Variants in PRDM5 observed in about 807,000 individuals in gnomAD.
The protein encoded by PRDM5 is PR/SET domain 5.
PRDM5 carries 56 observed loss-of-function variants against 81.2 expected under a neutral mutation model. The ratio of observed to expected loss-of-function variants is 0.69; its 90% CI spans 0.56 to 0.86. The LOEUF (loss-of-function observed/expected upper bound fraction) is 0.86. Ranked by LOEUF, PRDM5 falls within the 40% of genes least tolerant of loss-of-function variation. PRDM5 has a pLI of 0.00. For missense variants in PRDM5, 697 were observed against 770.1 expected, an observed-to-expected ratio of 0.91 and a Z score of 1.12; for synonymous variants, 267 against 256.4, an observed-to-expected ratio of 1.04 and a Z score of -0.39.
At chr4:120,685,943 T>G (rs1040751342) in intron 1 of PRDM5, among the ~76,000 whole-genome samples, 1 of 151,972 alleles carries the variant, frequency 6.6e-6, no homozygotes, top group African/African-American at 2.4e-5. Flanking sequence ...CATCATGGGG[T>G]GGATTTCTCA....
At chr4:120,711,412 C>T (rs763489732) in intron 14 of PRDM5, among the ~76,000 whole-genome samples, 29 of 152,072 alleles carry the variant, frequency 1.9e-4, no homozygotes, top group Non-Finnish European at 3.7e-4. Flanking sequence ...AATTCTCCTG[C>T]CTCAGCCTCC....
intron 3 of PRDM5, among the ~76,000 whole-genome samples, chr4:120,843,864 G>A (rs1023254742): frequency 1.3e-5 from 2 of 152,132 alleles, no homozygotes; most frequent in African/African-American, 2.4e-5. Context: ...ACACAGTACA[G>A]TAAGACTTCT....
At chr4:120,689,188 A>G (rs988861874), downstream of PRDM5, among the ~76,000 whole-genome samples, 2 of 152,256 alleles carry the variant, frequency 1.3e-5, no homozygotes, top group Middle Eastern at 3.4e-3. Context: ...AAATTTGTAG[A>G]CCCCAATTTC....
chr4:120,792,681 A>T (rs751291968), intron 10 of PRDM5, among the ~76,000 whole-genome samples: 1 of 152,206 alleles, frequency 6.6e-6, no homozygotes, highest in Non-Finnish European at 1.5e-5. Context: ...AGATGAATGG[A>T]TAAAGAAAAT....
chr4:120,878,893 C>T (rs1762576610), intron 2 of PRDM5, among the ~76,000 whole-genome samples: 1 of 152,168 alleles, frequency 6.6e-6, no homozygotes, highest in Non-Finnish European at 1.5e-5. Context: ...ACACCAAATG[C>T]TGACAAGGAC....
intron 2 of PRDM5, among the ~76,000 whole-genome samples, chr4:120,863,562 C>T: frequency 6.6e-6 from 1 of 152,096 alleles, no homozygotes; most frequent in South Asian, 2.1e-4. Context: ...CATACAAATA[C>T]TTAACTTACA....
rs187254944 is a variant in PRDM5, at chr4:120,753,554, G to A, written c.1623+999C>T. Among the ~76,000 whole-genome samples, 462 of 152,096 alleles carry A rather than the reference G, an allele frequency of 3.0e-3. 3 individuals carry two copies. The highest frequency in any genetic ancestry group is 0.011 in the African/African-American group (449 of 41,490). On this transcript the variant is annotated intron_variant, in intron 14 of 15. Transcript: ENST00000264808. ...CTTTTACGTGCTGCAGAACTGAAGT[G>A]GAAGGCTACAGTATTATTATACCGG...
intron 8 of PRDM5, among the ~76,000 whole-genome samples, chr4:120,802,342 T>C (rs1752240048): frequency 6.6e-6 from 1 of 152,098 alleles, no homozygotes; most frequent in African/African-American, 2.4e-5. Context: ...AGAAGATGGG[T>C]GATTTCTGCA....
chr4:120,821,860 G>A (rs1262816559), intron 3 of PRDM5, among the ~76,000 whole-genome samples: 1 of 151,716 alleles, frequency 6.6e-6, no homozygotes, highest in African/African-American at 2.4e-5. Flanking sequence ...CTAGACATCT[G>A]GGAAGTTCAA....
At chr4:120,877,550 A>C (rs1762437636) in intron 2 of PRDM5, among the ~76,000 whole-genome samples, 1 of 152,226 alleles carries the variant, frequency 6.6e-6, no homozygotes, top group Admixed American at 6.5e-5. Context: ...CACGCCTGTA[A>C]TCCCAGCACT....
At chr4:120,777,654 ATT>A (rs1398464023) in intron 12 of PRDM5, among the ~76,000 whole-genome samples, 1 of 152,138 alleles carries the variant, frequency 6.6e-6, no homozygotes, top group Non-Finnish European at 1.5e-5. Flanking sequence ...CATTTTTCAC[ATT>A]CTTTGTGTAT....
rs146988773 is a variant in PRDM5 at position 120,720,857 on chromosome 4, T to G, written c.1624-10444A>C. 2.9e-3 allele frequency among the ~76,000 whole-genome samples: 437 copies of G among 152,328 alleles called. 3 individuals carry two copies. Among genetic ancestry groups the G allele is most frequent in the African/African-American group, 0.01 (418 of 41,574 alleles). The stretch of plus-strand genomic sequence containing the variant: ...TAACACATCCATAATTGGTTTTGCA[T>G]TGTAGCTAATGAAAAACACACTTCT... On this transcript the variant is annotated intron_variant, in intron 14 of 15. Transcript: ENST00000264808.
chr4:120,789,615 T>C (rs1326640546), intron 10 of PRDM5, among the ~76,000 whole-genome samples: 2 of 152,162 alleles, frequency 1.3e-5, no homozygotes, highest in Admixed American at 6.6e-5. Context: ...TTTCATGTCA[T>C]AGCACATTAC....
At chr4:120,774,990 GTA>G (rs909276850) in intron 13 of PRDM5, among the ~76,000 whole-genome samples, 5 of 147,802 alleles carry the variant, frequency 3.4e-5, no homozygotes, top group African/African-American at 7.4e-5. Flanking sequence ...ATGTATATGT[GTA>G]TATATATATA....
chr4:120,821,455 C>CT (rs796436156), intron 3 of PRDM5, 110 bp from the exon 4 acceptor site: 23 of 1,082,560 alleles, frequency 2.1e-5, no homozygotes, highest in East Asian at 1.0e-4. Flanking sequence ...AAAGTTATTA[C>CT]TTTTTTTTAT....
intron 2 of PRDM5, among the ~76,000 whole-genome samples, chr4:120,892,889 G>A (rs183912590): frequency 3.5e-4 from 53 of 151,424 alleles, no homozygotes; most frequent in Non-Finnish European, 5.9e-4. Context: ...TCCGAGGACA[G>A]CAGAAGGTTG....
intron 2 of PRDM5, among the ~76,000 whole-genome samples, chr4:120,902,558 A>G (rs1466259898): frequency 6.6e-6 from 1 of 152,226 alleles, no homozygotes; most frequent in African/African-American, 2.4e-5. Flanking sequence ...AACTGGGTAT[A>G]TTCCACCAAA....
At chr4:120,844,816 T>G (rs781122791) in intron 3 of PRDM5, among the ~76,000 whole-genome samples, 5 of 152,232 alleles carry the variant, frequency 3.3e-5, no homozygotes, top group African/African-American at 7.2e-5. Flanking sequence ...GGCTGAAAGC[T>G]AGGCCACTTG....
At chr4:120,873,510 T>C (rs1762051043) in intron 2 of PRDM5, among the ~76,000 whole-genome samples, 1 of 152,220 alleles carries the variant, frequency 6.6e-6, no homozygotes, top group Non-Finnish European at 1.5e-5. Flanking sequence ...CTTCAAAGTT[T>C]ACTATCACAC....
Sources: allele counts gnomAD v4.1 joint callset (sites outside exome capture counted in the v4.1 genomes callset), GRCh38; gene constraint gnomAD v4.1.1; transcripts MANE v1.5; gene names NCBI Gene and HGNC (gene_info 2026-07-23, HGNC 2026-07-21).